The following GYG1 variants were observed in gnomAD, a reference collection of about 807,000 sequenced individuals.
GYG1 encodes the protein glycogenin-1.
Under a neutral mutation model 41.9 loss-of-function variants are expected in GYG1, and 44 were observed. The observed-to-expected ratio is 1.05, with a 90% CI of 0.83 to 1.35. The LOEUF (loss-of-function observed/expected upper bound fraction) is 1.35. Ranked by LOEUF, GYG1 falls within the 40% of genes most tolerant of loss-of-function variation. The pLI is 0.00. For synonymous variants in GYG1, 141 were observed against 158.1 expected, an observed-to-expected ratio of 0.89 and a Z score of 0.81; for missense variants, 429 against 418.9, an observed-to-expected ratio of 1.02 and a Z score of -0.21.
In GYG1 at chr3:149,006,506, A is replaced by G. The variant is rs576083292; in HGVS notation, c.482-2770A>G. Among the ~76,000 whole-genome samples the G allele has an allele frequency of 4.6e-5, 7 of 152,356 alleles. No homozygotes were observed. In the East Asian group the frequency reaches 1.3e-3, roughly 29 times the overall value. On this transcript the variant is annotated intron_variant, in intron 4 of 7. Transcript: ENST00000345003. ...TTATATAAATGAAATTACATAGTAT[A>G]TAACTTTGTGAGATTGGAGTTTTTC...
intron 5 of GYG1, among the ~76,000 whole-genome samples, chr3:149,023,382 A>G (rs1472470548): frequency 6.6e-6 from 1 of 152,172 alleles, no homozygotes; most frequent in Admixed American, 6.5e-5. Flanking sequence ...GTTTTTGACT[A>G]TTTCAAATAG....
chr3:149,016,186 A>T (rs1455422335), intron 5 of GYG1, among the ~76,000 whole-genome samples: 1 of 143,654 alleles, frequency 7.0e-6, no homozygotes, highest in Non-Finnish European at 1.5e-5. Context: ...GCGTGAACCC[A>T]GGAGGTGGAG....
Position 149,009,261 on chromosome 3 carries a change from AT to A in GYG1, c.482-8del, listed in dbSNP as rs765704284. The A allele has an allele frequency of 6.9e-6, 11 of 1,595,954 alleles. No homozygotes were observed. Among genetic ancestry groups the A allele is most frequent in the Non-Finnish European group, 8.6e-6 (10 of 1,163,876 alleles). On this transcript the variant is annotated splice_polypyrimidine_tract_variant and intron_variant, in intron 4 of 7. Coordinates refer to ENST00000345003, the MANE Select transcript of GYG1 (RefSeq NM_004130.4). ...TAGAGATCTGTTAACTAATTTATATATTTTTTTCTTTTAGGTGGGGACCAAG... is the reference window on the plus strand; with the variant it reads ...TAGAGATCTGTTAACTAATTTATATATTTTTTCTTTTAGGTGGGGACCAAG...
chr3:149,001,797 G>A (rs1056528587), intron 4 of GYG1, among the ~76,000 whole-genome samples: 8 of 151,936 alleles, frequency 5.3e-5, no homozygotes, highest in Non-Finnish European at 1.0e-4. Context: ...GTGGTGGGTG[G>A]TTTTTCCATT....
intron 5 of GYG1, among the ~76,000 whole-genome samples, chr3:149,013,654 T>G (rs1713861505): frequency 6.6e-6 from 1 of 152,216 alleles, no homozygotes; most frequent in Non-Finnish European, 1.5e-5. Flanking sequence ...TTCTTTCTTT[T>G]TTAAGAATCA....
Position 148,991,572 on chromosome 3 carries a change from C to T in GYG1, c.-69C>T, listed in dbSNP as rs560813404. 4.1e-3 allele frequency: 6,272 copies of T among 1,534,844 alleles called. 14 individuals carry two copies. The highest frequency in any genetic ancestry group is 5.0e-3 in the Non-Finnish European group (5,702 of 1,147,350). ...CGTGCCTCCTCGCTGGCCGCGCTCC[C>T]TCCCGGTGCCGGCTTCTCTGAGTCA... is the stretch of plus-strand genomic sequence containing the variant. On this transcript the variant is annotated 5_prime_UTR_variant, in exon 1 of 8. Coordinates refer to ENST00000345003, the MANE Select transcript of GYG1 (RefSeq NM_004130.4).
intron 4 of GYG1, 22 bp downstream of exon 4, chr3:148,996,926 G>A (rs1365670585): frequency 6.3e-7 from 1 of 1,581,704 alleles, no homozygotes. Flanking sequence ...CTATCTTCAT[G>A]TCTGATAAGC....
At chr3:149,020,957 G>A (rs577994529) in intron 5 of GYG1, among the ~76,000 whole-genome samples, 2 of 152,184 alleles carry the variant, frequency 1.3e-5, no homozygotes, top group Admixed American at 6.5e-5. Context: ...GCTAGGATGG[G>A]GCAGTGCCTT....
chr3:149,023,028 T>C (rs1423517901), intron 5 of GYG1, among the ~76,000 whole-genome samples: 1 of 152,180 alleles, frequency 6.6e-6, no homozygotes, highest in African/African-American at 2.4e-5. Flanking sequence ...ATTTCTTACA[T>C]ATATGTTGGT....
chr3:148,996,748 G>C lies in GYG1; in HGVS notation c.325G>C (p.Ala109Pro). 6 of 1,613,840 alleles carry C rather than the reference G, an allele frequency of 3.7e-6. No individual in the cohort carries two copies. The highest frequency in any genetic ancestry group is 5.1e-6 in the Non-Finnish European group (6 of 1,179,720). ...CTTTCTCCCCTTTGATCAGGTCCTA[G>C]CAAATATTGATGATCTTTTTGACAG... ...VFMDADTLVL[A>P]NIDDLFDREE... Residue 109 changes from alanine (A) to proline (P), a missense_variant, in exon 4 of 8, where the codon GCA becomes CCA. Coordinates refer to ENST00000345003, the MANE Select transcript of GYG1 (RefSeq NM_004130.4).
At chr3:148,997,979 T>A (rs1712902969) in intron 4 of GYG1, among the ~76,000 whole-genome samples, 2 of 152,238 alleles carry the variant, frequency 1.3e-5, no homozygotes, top group South Asian at 4.1e-4. Context: ...AAAGATTCAG[T>A]CCTGGGTGCA....
At chr3:148,994,785 A>G (rs1168547368) in intron 2 of GYG1, among the ~76,000 whole-genome samples, 3 of 152,200 alleles carry the variant, frequency 2.0e-5, no homozygotes, top group African/African-American at 7.2e-5. Context: ...TAGAATCTTT[A>G]CCAAAGGGCT....
Position 149,025,091 on chromosome 3 carries a change from A to G in GYG1, c.828+819A>G, listed in dbSNP as rs1287024882. ...TAAGATATAGAAAGGAGAAAGGGAG[A>G]AAAACTAACACTTGCATTCTTACTC... is the stretch of plus-strand genomic sequence containing the variant. On this transcript the variant is annotated intron_variant, in intron 6 of 7. Transcript: ENST00000345003. Among the ~76,000 whole-genome samples the G allele has an allele frequency of 2.6e-5, 4 of 152,190 alleles. No individual in the cohort carries two copies. The South Asian group carries it at 8.3e-4, about 31-fold the overall frequency.
chr3:149,020,602 T>C (rs1366630187), intron 5 of GYG1, among the ~76,000 whole-genome samples: 2 of 152,264 alleles, frequency 1.3e-5, no homozygotes, highest in Non-Finnish European at 2.9e-5. Flanking sequence ...CTTTATATTC[T>C]TATTATGAGC....
chr3:149,007,414 C>T (rs188949185), intron 4 of GYG1, among the ~76,000 whole-genome samples: 336 of 152,284 alleles, frequency 2.2e-3, no homozygotes, highest in African/African-American at 7.7e-3. Context: ...TTCTGTTGTT[C>T]GTCCTTTGAG....
intron 5 of GYG1, among the ~76,000 whole-genome samples, 172 bp downstream of exon 5, chr3:149,009,574 G>T (rs1292870831): frequency 6.6e-6 from 1 of 152,170 alleles, no homozygotes; most frequent in Non-Finnish European, 1.5e-5. Flanking sequence ...GATGTTATCG[G>T]TTGCCTCATG....
In GYG1 at chr3:148,994,256, C is replaced by T. The variant is rs1179353544; in HGVS notation, c.122C>T (p.Pro41Leu). Residue 41 changes from proline to leucine, a missense_variant, in exon 2 of 8, where the codon CCT becomes CTT. Pro to Leu is a moderately conservative substitution (Grantham distance 98). Coordinates refer to ENST00000345003, the MANE Select transcript of GYG1 (RefSeq NM_004130.4). ...AGGAGGCTGGTCGTGCTCGCCACCC[C>T]TCAGGTCTCAGACTCCATGAGGTGA... ...TTRRLVVLATPQVSDSMRKVL... is the reference protein window; with the variant it reads ...TTRRLVVLATLQVSDSMRKVL... 6.2e-7 allele frequency: 1 copy of T among 1,613,990 alleles called. No homozygotes were observed.
chr3:148,999,996 A>C (rs531186385), intron 4 of GYG1, among the ~76,000 whole-genome samples: 85 of 152,354 alleles, frequency 5.6e-4, no homozygotes, highest in African/African-American at 1.9e-3. Context: ...CCTGATGTCC[A>C]CTGACAAGCC....
rs1384247753 is a variant in GYG1 at position 149,028,942 on chromosome 3, C to T, written c.*2009C>T. ...ACCATGTTGCCAGGATGGTCTCAAT[C>T]TCTTGACCTCGTGATCCACCGGCCT... is the stretch of plus-strand genomic sequence containing the variant. On this transcript the variant is annotated 3_prime_UTR_variant, in exon 8 of 8. Transcript: ENST00000345003. Among the ~76,000 whole-genome samples the T allele has an allele frequency of 6.6e-6, 1 of 152,172 alleles. No homozygotes were observed. The highest frequency in any genetic ancestry group is 1.9e-4 in the East Asian group (1 of 5,192).
Sources: gnomAD v4.1 joint callset for allele counts (sites outside exome capture counted in the v4.1 genomes callset) on GRCh38, gnomAD v4.1.1 for gene constraint, MANE v1.5 for transcripts, NCBI Gene and HGNC (gene_info 2026-07-23, HGNC 2026-07-21) for gene names.